The following RAP1GDS1 variants were observed in gnomAD, a reference collection of about 807,000 sequenced individuals.
RAP1GDS1 encodes Rap1 GTPase-GDP dissociation stimulator 1.
In RAP1GDS1, 35 loss-of-function variants were observed where a neutral mutation model predicts 71.1. That is an observed-to-expected ratio of 0.49 (90% CI 0.38 to 0.65). RAP1GDS1 has a LOEUF of 0.65. Ranked by LOEUF, RAP1GDS1 falls within the 30% of genes least tolerant of loss-of-function variation. The probability of loss-of-function intolerance (pLI) is 0.00; values close to 1 mark genes in which losing one functional copy is unlikely to be tolerated. For missense variants in RAP1GDS1, 663 were observed against 706.1 expected, an observed-to-expected ratio of 0.94 and a Z score of 0.69; for synonymous variants, 229 against 243.1, an observed-to-expected ratio of 0.94 and a Z score of 0.54.
chr4:98,296,858 G>A (rs1467656775), intron 2 of RAP1GDS1: 2 of 358,666 alleles, frequency 5.6e-6, no homozygotes, highest in African/African-American at 2.2e-5. Flanking sequence ...AGTCCCAAAG[G>A]CAAGAAAAAT....
intron 5 of RAP1GDS1, among the ~76,000 whole-genome samples, chr4:98,380,822 A>C (rs913830558): frequency 6.6e-6 from 1 of 151,804 alleles, no homozygotes; most frequent in African/African-American, 2.4e-5. Flanking sequence ...AATTTTAAGA[A>C]GTTATTCCAG....
At chr4:98,343,413 T>A in intron 3 of RAP1GDS1, 152 bp downstream of exon 3, 1 of 948,598 alleles carries the variant, frequency 1.1e-6, no homozygotes, top group Non-Finnish European at 1.6e-6. Context: ...GTAATTGTTT[T>A]AAATGGCTAT....
chr4:98,432,896 A>AT lies in RAP1GDS1; in HGVS notation c.1441-1030dup, dbSNP rs199546539. On this transcript the variant is annotated intron_variant, in intron 12 of 14. Transcript: ENST00000408927. ...AAGGGTACTAGAAATAAAGGTGAAC[A>AT]TTTTTTTTTTCATCTAACTTTTGCC... Among the ~76,000 whole-genome samples, 106 of 149,834 alleles carry AT rather than the reference A, an allele frequency of 7.1e-4. 1 individual carries two copies. Among genetic ancestry groups the AT allele is most frequent in the African/African-American group, 2.1e-3 (86 of 40,890 alleles).
chr4:98,268,645 A>C (rs1303550104), intron 1 of RAP1GDS1, among the ~76,000 whole-genome samples: 1 of 152,154 alleles, frequency 6.6e-6, no homozygotes, highest in Non-Finnish European at 1.5e-5. Flanking sequence ...ATCAGCATAG[A>C]AAAATCAGAA....
rs397879442 is a variant in RAP1GDS1, at chr4:98,290,034, CT to C, written c.5-3370del. Reference sequence around the variant, plus strand: ...TGAAGTGAGGTAAAAATGTCTTGAACTTTTACAAGCTCAGTTAGCAGTTCTT... The same window carrying C: ...TGAAGTGAGGTAAAAATGTCTTGAACTTTACAAGCTCAGTTAGCAGTTCTT... On this transcript the variant is annotated intron_variant, in intron 1 of 14. Coordinates refer to ENST00000408927, the MANE Select transcript of RAP1GDS1 (RefSeq NM_001100427.2). Among the ~76,000 whole-genome samples, 644 of 151,948 alleles carry C rather than the reference CT, an allele frequency of 4.2e-3. 4 individuals are homozygous for C. Among genetic ancestry groups the C allele is most frequent in the African/African-American group, 0.015 (604 of 41,470 alleles).
At chr4:98,325,364 C>T (rs1207339818) in intron 2 of RAP1GDS1, among the ~76,000 whole-genome samples, 2 of 151,134 alleles carry the variant, frequency 1.3e-5, no homozygotes, top group African/African-American at 2.4e-5. Context: ...GTCAGTGTGG[C>T]GATTCCTCAG....
Position 98,416,841 on chromosome 4 carries a change from C to A in RAP1GDS1, c.860C>A (p.Thr287Asn), listed in dbSNP as rs751563026. ...KVDSDKEDDI[T>N]ELKTGSDLMV... is the part of the protein sequence containing the mutation. Reference sequence around the variant, plus strand: ...GATAGTGACAAAGAAGATGATATTACTGAGCTCAAAACTGGTTCAGATCTC... The same window carrying A: ...GATAGTGACAAAGAAGATGATATTAATGAGCTCAAAACTGGTTCAGATCTC... Residue 287 changes from threonine (T) to asparagine (N), a missense_variant, in exon 8 of 15, where the codon ACT becomes AAT. Physicochemically the swap from Thr to Asn is moderately conservative, Grantham distance 65. Coordinates refer to ENST00000408927, the MANE Select transcript of RAP1GDS1 (RefSeq NM_001100427.2). The A allele has an allele frequency of 6.2e-7, 1 of 1,613,986 alleles. No individual in the cohort carries two copies.
At chr4:98,326,616 T>A (rs1047334047) in intron 2 of RAP1GDS1, among the ~76,000 whole-genome samples, 1 of 152,172 alleles carries the variant, frequency 6.6e-6, no homozygotes, top group African/African-American at 2.4e-5. Context: ...TTATTTATTT[T>A]TTCTTTATTA....
chr4:98,408,781 G>A (rs990352933), intron 7 of RAP1GDS1, among the ~76,000 whole-genome samples: 6 of 152,096 alleles, frequency 3.9e-5, no homozygotes, highest in African/African-American at 1.4e-4. Flanking sequence ...AAATATTTAA[G>A]GGGAGAAACC....
At chr4:98,384,388 T>A (rs867374765) in intron 5 of RAP1GDS1, among the ~76,000 whole-genome samples, 36 of 151,642 alleles carry the variant, frequency 2.4e-4, no homozygotes, top group African/African-American at 8.2e-4. Flanking sequence ...TTTTTAAAAA[T>A]TCCTGAATTT....
At chr4:98,339,595 A>G (rs1315229793) in intron 2 of RAP1GDS1, among the ~76,000 whole-genome samples, 1 of 151,620 alleles carries the variant, frequency 6.6e-6, no homozygotes, top group Admixed American at 6.6e-5. Flanking sequence ...GTAGCCATTC[A>G]TTTGGACATG....
chr4:98,320,370 G>C (rs949570035), intron 2 of RAP1GDS1, among the ~76,000 whole-genome samples: 4 of 152,168 alleles, frequency 2.6e-5, no homozygotes, highest in African/African-American at 9.7e-5. Context: ...AGAGTATCTG[G>C]AGAAGAGCTG....
intron 1 of RAP1GDS1, among the ~76,000 whole-genome samples, chr4:98,268,216 A>G (rs1225837645): frequency 6.6e-6 from 1 of 152,218 alleles, no homozygotes; most frequent in Non-Finnish European, 1.5e-5. Context: ...AAGAACAAAA[A>G]TCATACGATC....
rs60502057 is a variant in RAP1GDS1 at position 98,402,466 on chromosome 4, C to A, written c.638-2011C>A. Among the ~76,000 whole-genome samples the A allele has an allele frequency of 5.0e-3, 757 of 152,102 alleles. 7 individuals are homozygous for A. The highest frequency in any genetic ancestry group is 0.018 in the South Asian group (86 of 4,810). ...TTCAGTATCTTATTGGAAAAGACACCCTACCCTTACTTTTTTTCCCCCTTG... is the reference window on the plus strand; with the variant it reads ...TTCAGTATCTTATTGGAAAAGACACACTACCCTTACTTTTTTTCCCCCTTG... On this transcript the variant is annotated intron_variant, in intron 6 of 14. Transcript: ENST00000408927.
chr4:98,364,762 C>T (rs769033897), intron 4 of RAP1GDS1, among the ~76,000 whole-genome samples: 37 of 151,548 alleles, frequency 2.4e-4, no homozygotes, highest in East Asian at 7.7e-4. Context: ...TGCAGTGGCT[C>T]ACACCTGTAA....
At chr4:98,328,029 G>T (rs907714802) in intron 2 of RAP1GDS1, among the ~76,000 whole-genome samples, 1 of 152,216 alleles carries the variant, frequency 6.6e-6, no homozygotes, top group African/African-American at 2.4e-5. Flanking sequence ...ATGGTTTTGA[G>T]CCATGAAACC....
rs935788558 is a variant in RAP1GDS1, at chr4:98,442,711, C to T, written c.*594C>T. On this transcript the variant is annotated 3_prime_UTR_variant, in exon 15 of 15. Transcript: ENST00000408927. ...CCTTTTTAGACTATTGAAACTGCCA[C>T]AAACTTGGCAAGACTTTCTGAGGTT... 11 of 227,600 alleles carry T rather than the reference C, an allele frequency of 4.8e-5. No homozygotes were observed. Among genetic ancestry groups the T allele is most frequent in the African/African-American group, 2.4e-4 (11 of 45,006 alleles). 14.1% of individuals were successfully genotyped at this position (227,600 alleles called of 1,614,324 possible). A position where few individuals can be genotyped will look rare whatever the true frequency, so the allele number is the denominator to read the frequency against.
intron 6 of RAP1GDS1, among the ~76,000 whole-genome samples, chr4:98,397,685 G>A (rs1022503645): frequency 1.3e-5 from 2 of 152,080 alleles, no homozygotes; most frequent in African/African-American, 4.8e-5. Context: ...GGGATTTGAT[G>A]GCATCAAGAT....
rs766117679 is a variant in RAP1GDS1 at position 98,442,059 on chromosome 4, A to G, written c.1766A>G (p.Asn589Ser). The change falls in exon 15 of 15, where the codon AAC becomes AGC. Residue 589 changes from asparagine (N) to serine (S), a missense_variant. Asn to Ser is a conservative substitution (Grantham distance 46). Transcript: ENST00000408927. The stretch of plus-strand genomic sequence containing the variant: ...GTATCCAAACTTCGCAGTCATGAGA[A>G]CAAAAGTGTTGCCCAGCAGGCCTCT... The part of the protein sequence containing the change: ...DVVSKLRSHE[N>S]KSVAQQASLT... The G allele has an allele frequency of 3.1e-6, 5 of 1,614,116 alleles. No homozygotes were observed. The South Asian group carries it at 4.4e-5, about 14-fold the overall frequency.
Sources: allele counts gnomAD v4.1 joint callset (sites outside exome capture counted in the v4.1 genomes callset), GRCh38; gene constraint gnomAD v4.1.1; transcripts MANE v1.5; gene names NCBI Gene and HGNC (gene_info 2026-07-23, HGNC 2026-07-21).